TASP1: variants seen among roughly 807,000 people sequenced by gnomAD.
TASP1 encodes the protein threonine aspartase 1.
TASP1 carries 16 observed loss-of-function variants against 56.6 expected under a neutral mutation model. The ratio of observed to expected loss-of-function variants is 0.28; its 90% CI spans 0.19 to 0.43. TASP1 has a LOEUF of 0.43. Ranked by LOEUF, TASP1 falls within the 20% of genes least tolerant of loss-of-function variation. The pLI is 1.00. For synonymous variants in TASP1, 179 were observed against 184.2 expected (o/e 0.97, Z 0.23); for missense variants, 393 against 511.6 (o/e 0.77, Z 2.24).
chr20:13,625,529 C>A (rs893991337), intron 2 of TASP1, among the ~76,000 whole-genome samples: 1 of 152,208 alleles, frequency 6.6e-6, no homozygotes, highest in Non-Finnish European at 1.5e-5. Flanking sequence ...TTTTCAAGAA[C>A]CTCTTTCCAA....
chr20:13,327,823 T>G, the TASP1 span, among the ~76,000 whole-genome samples: 1 of 152,154 alleles, frequency 6.6e-6, no homozygotes, highest in African/African-American at 2.4e-5. Context: ...GATTAAAGAC[T>G]TAAATGTAAA....
chr20:13,457,392 G>A (rs995959549), intron 11 of TASP1, among the ~76,000 whole-genome samples: 20 of 152,020 alleles, frequency 1.3e-4, no homozygotes, highest in African/African-American at 4.8e-4. Context: ...CTTTAGGGAA[G>A]TCTAAATCAA....
chr20:13,505,798 A>G (rs1290380077), intron 10 of TASP1, among the ~76,000 whole-genome samples: 1 of 152,130 alleles, frequency 6.6e-6, no homozygotes, highest in African/African-American at 2.4e-5. Flanking sequence ...ATACACCTAC[A>G]TGAAAAAAGA....
At chr20:13,460,761 C>T (rs759806252) in intron 11 of TASP1, among the ~76,000 whole-genome samples, 3 of 151,994 alleles carry the variant, frequency 2.0e-5, no homozygotes, top group Admixed American at 1.3e-4. Flanking sequence ...AAAAACTATC[C>T]GGAATCCAAT....
chr20:13,468,048 C>CAAAAAA (rs1348773823), intron 11 of TASP1, among the ~76,000 whole-genome samples: 1 of 148,132 alleles, frequency 6.8e-6, no homozygotes, highest in African/African-American at 2.5e-5. Context: ...AAAACAAAAA[C>CAAAAAA]AAAAAACAAA....
At chr20:13,543,618 G>A (rs1336751358) in intron 8 of TASP1, among the ~76,000 whole-genome samples, 1 of 151,994 alleles carries the variant, frequency 6.6e-6, no homozygotes, top group Non-Finnish European at 1.5e-5. Flanking sequence ...AAGATTTCTT[G>A]AATCACTTCC....
chr20:13,600,516 T>G (rs1318360960), intron 4 of TASP1: 1 of 151,900 alleles, frequency 6.6e-6, no homozygotes, highest in Non-Finnish European at 1.5e-5. Context: ...ACTAGAAAAA[T>G]ATACAAAGGA....
chr20:13,151,588 T>C, the TASP1 span, among the ~76,000 whole-genome samples: 3 of 152,198 alleles, frequency 2.0e-5, no homozygotes, highest in Non-Finnish European at 2.9e-5. Context: ...AATTGGGGCA[T>C]TTAGCATCCT....
rs141816564 is a variant in TASP1 at position 13,545,877 on chromosome 20, T to C, written c.676-11736A>G. ...TTATCTTTCTTTCTACCCAGACATA[T>C]AAGTCTGACCCTTTATCCAACATCC... is the stretch of plus-strand genomic sequence containing the variant. On this transcript the variant is annotated intron_variant, in intron 8 of 13. Coordinates refer to ENST00000337743, the MANE Select transcript of TASP1 (RefSeq NM_017714.3). Among the ~76,000 whole-genome samples the C allele has an allele frequency of 6.4e-3, 982 of 152,290 alleles. 5 individuals carry two copies. Among genetic ancestry groups the C allele is most frequent in the Non-Finnish European group, 0.01 (701 of 68,022 alleles).
At chr20:13,362,520 C>G in the TASP1 span, among the ~76,000 whole-genome samples, 1 of 142,126 alleles carries the variant, frequency 7.0e-6, no homozygotes, top group African/African-American at 2.8e-5. Flanking sequence ...AACAAATCCC[C>G]TTTGACTGTA....
chr20:13,465,538 A>G (rs1046196391), intron 11 of TASP1, among the ~76,000 whole-genome samples: 5 of 152,028 alleles, frequency 3.3e-5, no homozygotes, highest in African/African-American at 1.2e-4. Flanking sequence ...TATTTATAAT[A>G]CTGAAAATAA....
chr20:13,443,224 T>C (rs531393154), intron 11 of TASP1, among the ~76,000 whole-genome samples: 4 of 152,302 alleles, frequency 2.6e-5, no homozygotes, highest in South Asian at 4.1e-4. Context: ...GTGGTGGTGA[T>C]AGGGTATCAA....
At chr20:13,274,059 T>TTTTGTG in the TASP1 span, among the ~76,000 whole-genome samples, 2 of 150,714 alleles carry the variant, frequency 1.3e-5, no homozygotes, top group Non-Finnish European at 3.0e-5. Context: ...TGGCGTGTAA[T>TTTTGTG]TGTGTGTGTG....
chr20:13,306,266 A>T, the TASP1 span, among the ~76,000 whole-genome samples: 3 of 152,034 alleles, frequency 2.0e-5, no homozygotes, highest in Non-Finnish European at 4.4e-5. Flanking sequence ...AGAAAAAGGA[A>T]TTTTTTTTCT....
intron 11 of TASP1, among the ~76,000 whole-genome samples, chr20:13,452,248 C>T (rs1028467823): frequency 2.0e-5 from 3 of 151,930 alleles, no homozygotes; most frequent in African/African-American, 7.2e-5. Flanking sequence ...CAGATTTGTT[C>T]AATGCAGAGT....
At chr20:13,302,312 C>T in the TASP1 span, among the ~76,000 whole-genome samples, 15 of 152,174 alleles carry the variant, frequency 9.9e-5, no homozygotes, top group Non-Finnish European at 1.8e-4. Flanking sequence ...ACTGAGAACA[C>T]CCTGGTCTCC....
chr20:13,339,167 T>C, the TASP1 span, among the ~76,000 whole-genome samples: 1 of 152,184 alleles, frequency 6.6e-6, no homozygotes, highest in South Asian at 2.1e-4. Flanking sequence ...CTGGAGCATA[T>C]GCTGTGACTT....
intron 13 of TASP1, among the ~76,000 whole-genome samples, chr20:13,400,015 A>T (rs1209910617): frequency 1.3e-5 from 2 of 152,178 alleles, no homozygotes; most frequent in Non-Finnish European, 2.9e-5. Context: ...CTTTGAAGTG[A>T]AACCTACCTA....
At chr20:13,332,724 C>T in the TASP1 span, among the ~76,000 whole-genome samples, 1 of 152,206 alleles carries the variant, frequency 6.6e-6, no homozygotes, top group Non-Finnish European at 1.5e-5. Context: ...CTTTTCCACT[C>T]TATGTCATTT....
Sources: gnomAD v4.1 joint callset for allele counts (sites outside exome capture counted in the v4.1 genomes callset) on GRCh38, gnomAD v4.1.1 for gene constraint, MANE v1.5 for transcripts, NCBI Gene and HGNC (gene_info 2026-07-23, HGNC 2026-07-21) for gene names.